USP30: variants seen among roughly 807,000 people sequenced by gnomAD.
The protein encoded by USP30 is ubiquitin carboxyl-terminal hydrolase 30.
USP30 carries 41 observed loss-of-function variants against 68.2 expected under a neutral mutation model. That is an observed-to-expected ratio of 0.60 (90% CI 0.47 to 0.78). The LOEUF is 0.78. Among genes scored for constraint, USP30 ranks in the 30% least tolerant of loss-of-function variants. USP30 has a pLI of 0.00. For synonymous variants in USP30, 229 were observed against 253.7 expected, an observed-to-expected ratio of 0.90 and a Z score of 0.93; for missense variants, 522 against 649.4, an observed-to-expected ratio of 0.80 and a Z score of 2.13.
chr12:109,042,295 G>A (rs1254057189), intron 3 of USP30, among the ~76,000 whole-genome samples: 1 of 152,020 alleles, frequency 6.6e-6, no homozygotes, highest in Non-Finnish European at 1.5e-5. Flanking sequence ...ATTGCATGGA[G>A]ATGGTACAAA....
intron 3 of USP30, among the ~76,000 whole-genome samples, chr12:109,065,941 G>A (rs1385187211): frequency 6.6e-6 from 1 of 152,152 alleles, no homozygotes; most frequent in African/African-American, 2.4e-5. Context: ...TTGCAACAGA[G>A]ACCATGTGGT....
At chr12:109,081,621 GCGCACACACACACA>G in intron 8 of USP30, 3 of 545,298 alleles carry the variant, frequency 5.5e-6, no homozygotes, top group Non-Finnish European at 9.4e-6. Context: ...GCACGCATGC[GCGCACACACACACA>G]CACACACACA....
intron 7 of USP30, among the ~76,000 whole-genome samples, chr12:109,080,663 C>G (rs2041769872): frequency 6.6e-6 from 1 of 152,172 alleles, no homozygotes; most frequent in African/African-American, 2.4e-5. Flanking sequence ...CTAGAACTTC[C>G]AACTACAGTC....
chr12:109,036,646 A>T (rs1249426919), intron 3 of USP30, among the ~76,000 whole-genome samples: 4 of 151,964 alleles, frequency 2.6e-5, no homozygotes, highest in African/African-American at 9.7e-5. Context: ...TTGTTTAAGA[A>T]TCTGGGAATG....
intron 3 of USP30, among the ~76,000 whole-genome samples, chr12:109,042,982 T>G (rs2040575208): frequency 6.6e-6 from 1 of 152,010 alleles, no homozygotes; most frequent in Non-Finnish European, 1.5e-5. Context: ...GAAAAAGAAG[T>G]GACAAAAACT....
upstream of USP30, among the ~76,000 whole-genome samples, chr12:109,050,742 C>T (rs1270829101): frequency 1.3e-5 from 2 of 152,002 alleles, no homozygotes; most frequent in African/African-American, 4.8e-5. Flanking sequence ...GGCGCGGTGG[C>T]TCACACCTGT....
chr12:109,071,734 C>A lies in USP30; in HGVS notation c.579+24C>A. The stretch of plus-strand genomic sequence containing the variant: ...AGGTAAACCATTAATATTTCCAACA[C>A]GTTCTGTGCAGCTTGTGCATATTTA... On this transcript the variant is annotated intron_variant, in intron 5 of 12. Coordinates refer to ENST00000257548, the MANE Select transcript of USP30 (RefSeq NM_032663.5). 3 of 1,595,694 alleles carry A rather than the reference C, an allele frequency of 1.9e-6. 1 individual carries two copies. Among genetic ancestry groups the A allele is most frequent in the Non-Finnish European group, 2.6e-6 (3 of 1,163,786 alleles).
At position 109,067,509 on chromosome 12, in the gene USP30, C is replaced by G. The variant is rs920927411; in HGVS notation, c.377-15C>G. 1.5e-5 allele frequency: 24 copies of G among 1,610,066 alleles called. No individual in the cohort carries two copies. The highest frequency in any genetic ancestry group is 2.0e-5 in the Non-Finnish European group (24 of 1,176,594). On this transcript the variant is annotated splice_polypyrimidine_tract_variant and intron_variant, in intron 3 of 12. Transcript: ENST00000257548. ...CTGATGAATTTAATAATTGTCTTAC[C>G]TTTTTTGTTTCCAGCCTTGTCCTGC...
upstream of USP30, among the ~76,000 whole-genome samples, chr12:109,050,945 G>A (rs1195191097): frequency 6.6e-6 from 1 of 151,940 alleles, no homozygotes; most frequent in Admixed American, 6.6e-5. Context: ...AGGCGAGATC[G>A]TGCCATTGCA....
chr12:109,070,422 T>A lies in USP30; in HGVS notation c.481-1190T>A, dbSNP rs1407617310. ...AGACCTGAAGGATAGGAGGTAGCCG[T>A]GCGAAGGTCTGAGCACAGCCCGAAA... is the stretch of plus-strand genomic sequence containing the variant. On this transcript the variant is annotated intron_variant, in intron 4 of 12. Coordinates refer to ENST00000257548, the MANE Select transcript of USP30 (RefSeq NM_032663.5). This position sits in a 1 kb window ranked among gnomAD's most constrained non-coding sequence, Gnocchi z 4.0. Among the ~76,000 whole-genome samples, 1 of 151,904 alleles carries A rather than the reference T, an allele frequency of 6.6e-6. No individual in the cohort carries two copies. Among genetic ancestry groups the A allele is most frequent in the Non-Finnish European group, 1.5e-5 (1 of 67,972 alleles).
upstream of USP30, among the ~76,000 whole-genome samples, chr12:109,049,901 GA>G (rs1389948551): frequency 1.3e-5 from 2 of 152,212 alleles, no homozygotes; most frequent in African/African-American, 2.4e-5. Context: ...ACATGCTGTT[GA>G]AAATGGTGCC....
At chr12:109,035,370 A>ATTTTT (rs374521130) in intron 3 of USP30, among the ~76,000 whole-genome samples, 1 of 137,228 alleles carries the variant, frequency 7.3e-6, no homozygotes, top group Non-Finnish European at 1.6e-5. Context: ...ATTTTATTTT[A>ATTTTT]TTTATTTATT....
intron 7 of USP30, among the ~76,000 whole-genome samples, chr12:109,078,023 T>A (rs1339575929): frequency 2.6e-5 from 4 of 152,242 alleles, no homozygotes; most frequent in Admixed American, 2.6e-4. Context: ...AAGAGTTATA[T>A]GTGTTTCATT....
intron 2 of USP30, chr12:109,025,207 A>G (rs577534914): frequency 6.6e-6 from 1 of 152,162 alleles, no homozygotes; most frequent in Non-Finnish European, 1.5e-5. Context: ...AATTTGGCCC[A>G]GCATCCCAGG....
intron 11 of USP30, 100 bp downstream of exon 11, chr12:109,083,162 G>A (rs563388815): frequency 3.3e-6 from 4 of 1,223,574 alleles, no homozygotes; most frequent in Non-Finnish European, 3.4e-6. Context: ...GGAGCACAAG[G>A]CTTGTACAAT....
Position 109,058,070 on chromosome 12 carries a change from A to C in USP30, c.338A>C (p.His113Pro). ...YSRDQKEPPS[H>P]QYLSLTLLHL... ...AGGGATCAGAAGGAGCCCCCCTCAC[A>C]CCAGTATTTATCCTTAACACTCTTG... The change falls in exon 3 of 13, where the codon CAC becomes CCC. Residue 113 changes from histidine to proline, a missense_variant. By Grantham distance (77) the His-to-Pro change is moderately conservative (BLOSUM62 -2). Transcript: ENST00000257548. The C allele has an allele frequency of 6.2e-7, 1 of 1,613,866 alleles. No individual in the cohort carries two copies.
intron 3 of USP30, among the ~76,000 whole-genome samples, chr12:109,027,941 C>A (rs1207175183): frequency 6.6e-6 from 1 of 152,030 alleles, no homozygotes; most frequent in African/African-American, 2.4e-5. Context: ...CATATGGTAA[C>A]TATGTTTAAG....
chr12:109,071,218 A>G (rs1424382447), intron 4 of USP30, among the ~76,000 whole-genome samples: 1 of 152,266 alleles, frequency 6.6e-6, no homozygotes, highest in Non-Finnish European at 1.5e-5. Context: ...ATTGTACAAC[A>G]ACATGAATGT....
intron 3 of USP30, among the ~76,000 whole-genome samples, chr12:109,058,784 A>C (rs1379606055): frequency 6.6e-6 from 1 of 152,244 alleles, no homozygotes; most frequent in East Asian, 1.9e-4. Context: ...TTGCTAACAA[A>C]CTCAAATGTT....
Sources: gnomAD v4.1 joint callset for allele counts (sites outside exome capture counted in the v4.1 genomes callset) on GRCh38, gnomAD v4.1.1 for gene constraint, Gnocchi (gnomAD v3.1) non-coding constraint, MANE v1.5 for transcripts, NCBI Gene and HGNC (gene_info 2026-07-23, HGNC 2026-07-21) for gene names.